RBFOX1: variants seen among roughly 807,000 people sequenced by gnomAD.
RBFOX1 encodes the protein RNA binding protein fox-1 homolog 1.
Under a neutral mutation model 57.7 loss-of-function variants are expected in RBFOX1, and 8 were observed. That is an observed-to-expected ratio of 0.14 (90% CI 0.08 to 0.25). The LOEUF is 0.25. Ranked by LOEUF, RBFOX1 falls within the 10% of genes least tolerant of loss-of-function variation. RBFOX1 has a pLI of 1.00. For missense variants in RBFOX1, 611 were observed against 548.5 expected (o/e 1.11, Z -1.14); for synonymous variants, 326 against 222.4 (o/e 1.47, Z -4.15).
chr16:6,754,491 T>A (rs560629794), intron 3 of RBFOX1, among the ~76,000 whole-genome samples: 6 of 152,308 alleles, frequency 3.9e-5, no homozygotes, highest in Admixed American at 3.3e-4. Flanking sequence ...CTCTTTTTCA[T>A]GAGGAAAATT....
chr16:7,016,046 T>A (rs947242649), intron 3 of RBFOX1, among the ~76,000 whole-genome samples: 1 of 152,142 alleles, frequency 6.6e-6, no homozygotes, highest in Non-Finnish European at 1.5e-5. Flanking sequence ...TCCTAGTCAC[T>A]CATTGCAGTT....
chr16:6,737,198 C>A (rs2070632418), intron 3 of RBFOX1, among the ~76,000 whole-genome samples: 1 of 152,040 alleles, frequency 6.6e-6, no homozygotes, highest in African/African-American at 2.4e-5. Flanking sequence ...GGCTATAGGT[C>A]AAGCAAAAAA....
chr16:7,298,427 T>C (rs2141903230), intron 4 of RBFOX1, among the ~76,000 whole-genome samples: 1 of 152,038 alleles, frequency 6.6e-6, no homozygotes, highest in East Asian at 1.9e-4. Context: ...TAGCTGGGAC[T>C]ACAGATGCGT....
At chr16:6,335,710 G>A (rs994398689) in intron 2 of RBFOX1, among the ~76,000 whole-genome samples, 2 of 148,946 alleles carry the variant, frequency 1.3e-5, no homozygotes, top group Non-Finnish European at 3.0e-5. Flanking sequence ...CCCGGGAGCC[G>A]GAGATTGCAG....
At chr16:5,517,303 G>T (rs1313132170) in intron 2 of RBFOX1, among the ~76,000 whole-genome samples, 1 of 152,112 alleles carries the variant, frequency 6.6e-6, no homozygotes, top group Non-Finnish European at 1.5e-5. Flanking sequence ...CTCAGGGGCT[G>T]TGTGGACTGC....
intron 4 of RBFOX1, among the ~76,000 whole-genome samples, chr16:7,502,668 A>G (rs929254017): frequency 3.9e-5 from 6 of 152,164 alleles, no homozygotes; most frequent in Non-Finnish European, 8.8e-5. Context: ...ATACGTATAC[A>G]TGTGGTGAGG....
At chr16:5,898,245 C>T (rs1160217700) in intron 4 of RBFOX1, among the ~76,000 whole-genome samples, 1 of 151,956 alleles carries the variant, frequency 6.6e-6, no homozygotes, top group East Asian at 1.9e-4. Flanking sequence ...AAATTACCTC[C>T]TACCAGGTCC....
rs562815303 is a variant in RBFOX1 at position 5,735,117 on chromosome 16, C to T, written c.319-132186C>T. On this transcript the variant is annotated intron_variant, in intron 3 of 19. Coordinates refer to the RBFOX1 transcript ENST00000641259. ...TTTATCCAGCTTTCCTTAGTTACTC[C>T]GTTTCTGTGCCTGAACTGTCTGTGG... 1.7e-4 allele frequency among the ~76,000 whole-genome samples: 26 copies of T among 152,300 alleles called. 1 individual carries two copies. The Middle Eastern group carries it at 0.01, about 60-fold the overall frequency.
At chr16:7,671,649 G>C (rs763972464) in intron 13 of RBFOX1, 1 of 1,517,352 alleles carries the variant, frequency 6.6e-7, no homozygotes, top group Admixed American at 1.7e-5. Flanking sequence ...TTGTGGGTTT[G>C]CTGTGAAATC....
intron 1 of RBFOX1, among the ~76,000 whole-genome samples, chr16:5,385,094 C>T (rs905634508): frequency 2.6e-5 from 4 of 152,228 alleles, no homozygotes; most frequent in South Asian, 2.1e-4. Flanking sequence ...CCGGGTTCAA[C>T]ATTAGTAATT....
chr16:5,248,712 G>A (rs2062367175), intron 1 of RBFOX1, among the ~76,000 whole-genome samples: 1 of 152,082 alleles, frequency 6.6e-6, no homozygotes, highest in African/African-American at 2.4e-5. Flanking sequence ...CAAGAGGGCC[G>A]GGCACGGTGG....
chr16:5,537,954 T>C (rs1217615194), intron 2 of RBFOX1, among the ~76,000 whole-genome samples: 1 of 152,186 alleles, frequency 6.6e-6, no homozygotes, highest in Non-Finnish European at 1.5e-5. Context: ...GTTACACATT[T>C]TTCCCACACT....
chr16:6,136,987 G>C (rs1376962263), intron 1 of RBFOX1, among the ~76,000 whole-genome samples: 3 of 152,242 alleles, frequency 2.0e-5, no homozygotes, highest in East Asian at 3.9e-4. Flanking sequence ...TAATTGAGTT[G>C]TTAATTATCA....
At chr16:7,436,676 G>A (rs1257051774) in intron 4 of RBFOX1, among the ~76,000 whole-genome samples, 14 of 152,246 alleles carry the variant, frequency 9.2e-5, no homozygotes, top group Admixed American at 9.2e-4. Flanking sequence ...AGGATGAGAT[G>A]TCCTGAGCTC....
chr16:7,181,552 C>T (rs990008661), intron 4 of RBFOX1, among the ~76,000 whole-genome samples: 2 of 150,782 alleles, frequency 1.3e-5, no homozygotes, highest in Non-Finnish European at 3.0e-5. Context: ...CTCTTTCTCT[C>T]ATCTCTCTTT....
At chr16:7,429,936 C>A (rs764427502) in intron 4 of RBFOX1, among the ~76,000 whole-genome samples, 1 of 152,158 alleles carries the variant, frequency 6.6e-6, no homozygotes, top group African/African-American at 2.4e-5. Flanking sequence ...CTTTGTGGGA[C>A]TTGTGACAGT....
intron 3 of RBFOX1, among the ~76,000 whole-genome samples, chr16:6,791,676 T>C (rs905884176): frequency 3.3e-5 from 5 of 152,224 alleles, no homozygotes; most frequent in African/African-American, 9.6e-5. Flanking sequence ...GGAGAATTGC[T>C]TGAACCTGGG....
At chr16:7,331,139 A>C (rs1161272644) in intron 4 of RBFOX1, among the ~76,000 whole-genome samples, 1 of 152,212 alleles carries the variant, frequency 6.6e-6, no homozygotes, top group Non-Finnish European at 1.5e-5. Context: ...TAGAAATGCA[A>C]TTATGCAGCT....
At chr16:6,996,665 G>A (rs532642309) in intron 3 of RBFOX1, among the ~76,000 whole-genome samples, 12 of 152,310 alleles carry the variant, frequency 7.9e-5, no homozygotes, top group Non-Finnish European at 1.3e-4. Flanking sequence ...TTTGTCTGAG[G>A]TCACAGAGGT....
Sources: gnomAD v4.1 joint callset for allele counts (sites outside exome capture counted in the v4.1 genomes callset) on GRCh38, gnomAD v4.1.1 for gene constraint, MANE v1.5 for transcripts, NCBI Gene and HGNC (gene_info 2026-07-23, HGNC 2026-07-21) for gene names.